The following TTLL11 variants were observed in gnomAD, a reference collection of about 807,000 sequenced individuals.
TTLL11 encodes the protein tubulin tyrosine ligase like 11.
Under a neutral mutation model 51.7 loss-of-function variants are expected in TTLL11, and 42 were observed. That is an observed-to-expected ratio of 0.81 (90% CI 0.64 to 1.05). The LOEUF is 1.05. Ranked by LOEUF, TTLL11 falls within the 50% of genes least tolerant of loss-of-function variation. TTLL11 has a pLI of 0.00. For missense variants in TTLL11, 799 were observed against 940.4 expected, an observed-to-expected ratio of 0.85 and a Z score of 1.97; for synonymous variants, 381 against 383.5, an observed-to-expected ratio of 0.99 and a Z score of 0.08.
chr9:121,908,888 A>T (rs533998256), intron 6 of TTLL11, among the ~76,000 whole-genome samples: 1 of 152,346 alleles, frequency 6.6e-6, no homozygotes, highest in South Asian at 2.1e-4. Flanking sequence ...TACATCTGTA[A>T]ATACCCTATC....
rs10123402 is a variant in TTLL11 at position 121,995,134 on chromosome 9, G to A, written c.694-5364C>T. Among the ~76,000 whole-genome samples, 438 of 152,268 alleles carry A rather than the reference G, an allele frequency of 2.9e-3. 2 individuals carry two copies. The highest frequency in any genetic ancestry group is 9.3e-3 in the African/African-American group (388 of 41,552). On this transcript the variant is annotated intron_variant, in intron 3 of 8. Coordinates refer to ENST00000321582, the MANE Select transcript of TTLL11 (RefSeq NM_001139442.2). The surrounding 1 kb of genome is among the most constrained non-coding windows in gnomAD (Gnocchi z 4.4). ...GAGCTTGGGAGAGAGATCTGGGGTC[G>A]TCAGGCCCCCAAGGATGGCCAAGGC...
chr9:121,946,531 G>A (rs761931299), intron 6 of TTLL11, among the ~76,000 whole-genome samples: 1 of 152,114 alleles, frequency 6.6e-6, no homozygotes, highest in Non-Finnish European at 1.5e-5. Flanking sequence ...TTAGGAAGAC[G>A]AAAAAGTTCT....
intron 1 of TTLL11, among the ~76,000 whole-genome samples, chr9:122,050,012 G>A (rs1331819665): frequency 6.6e-6 from 1 of 152,072 alleles, no homozygotes; most frequent in Non-Finnish European, 1.5e-5. Flanking sequence ...CACAGGGAAG[G>A]TGCTGTCATG....
intron 1 of TTLL11, among the ~76,000 whole-genome samples, chr9:122,076,295 C>G (rs1845856779): frequency 6.6e-6 from 1 of 152,204 alleles, no homozygotes; most frequent in Non-Finnish European, 1.5e-5. Context: ...ATCTTGCTCC[C>G]TGTACATGTT....
intron 6 of TTLL11, among the ~76,000 whole-genome samples, chr9:121,929,727 A>C (rs547720953): frequency 2.6e-5 from 4 of 152,368 alleles, no homozygotes; most frequent in African/African-American, 7.2e-5. Context: ...AAACAAGAAG[A>C]AAGCACACTT....
chr9:122,040,478 A>C, intron 1 of TTLL11: 1 of 944,474 alleles, frequency 1.1e-6, no homozygotes, highest in Non-Finnish European at 1.3e-6. Flanking sequence ...AACTCAGATG[A>C]CCTTGTTAAA....
Position 121,890,405 on chromosome 9 carries a change from T to A in TTLL11, c.1482-19657A>T, listed in dbSNP as rs1415812200. 6.6e-6 allele frequency among the ~76,000 whole-genome samples: 1 copy of A among 152,196 alleles called. No homozygotes were observed. Among genetic ancestry groups the A allele is most frequent in the South Asian group, 2.1e-4 (1 of 4,828 alleles). ...CCTGGCTCGCAACCTCCGCTTCCAA[T>A]GTGTCCTTCATGTCATAGCCAAAAT... On this transcript the variant is annotated intron_variant, in intron 6 of 8. Coordinates refer to ENST00000321582, the MANE Select transcript of TTLL11 (RefSeq NM_001139442.2). This position sits in a 1 kb window ranked among gnomAD's most constrained non-coding sequence, Gnocchi z 4.3.
rs1376000640 is a variant in TTLL11 at position 121,890,885 on chromosome 9, T to C, written c.1482-20137A>G. ...TCAAGCCCTTGACTTTGGGTCCCTC[T>C]CTGGCCCCATCTCAGACCACAGTCC... On this transcript the variant is annotated intron_variant, in intron 6 of 8. Transcript: ENST00000321582. The surrounding 1 kb of genome is among the most constrained non-coding windows in gnomAD (Gnocchi z 4.3). 1.3e-5 allele frequency among the ~76,000 whole-genome samples: 2 copies of C among 152,196 alleles called. No individual in the cohort carries two copies. Among genetic ancestry groups the C allele is most frequent in the Non-Finnish European group, 2.9e-5 (2 of 68,038 alleles).
At chr9:122,022,323 A>T (rs1006514971) in intron 3 of TTLL11, among the ~76,000 whole-genome samples, 1 of 152,130 alleles carries the variant, frequency 6.6e-6, no homozygotes, top group Non-Finnish European at 1.5e-5. Context: ...AGAAAATTAC[A>T]TCAAGACACA....
At chr9:122,039,437 G>T in intron 1 of TTLL11, 69 bp from the exon 2 acceptor site, 2 of 1,277,288 alleles carry the variant, frequency 1.6e-6, no homozygotes, top group Non-Finnish European at 2.3e-6. Flanking sequence ...TATCCATTAT[G>T]TACAAATTCC....
At chr9:121,911,987 C>A (rs1284666204) in intron 6 of TTLL11, among the ~76,000 whole-genome samples, 3 of 152,126 alleles carry the variant, frequency 2.0e-5, no homozygotes, top group Non-Finnish European at 4.4e-5. Context: ...TACAGGTGAT[C>A]ACCCCACTGT....
chr9:122,027,383 C>T (rs998653242), intron 3 of TTLL11, among the ~76,000 whole-genome samples: 7 of 152,070 alleles, frequency 4.6e-5, no homozygotes, highest in Non-Finnish European at 7.3e-5. Flanking sequence ...AAGACAAAGA[C>T]CAGGGAACCA....
intron 1 of TTLL11, among the ~76,000 whole-genome samples, chr9:122,067,109 C>G (rs1274555203): frequency 6.6e-6 from 1 of 152,134 alleles, no homozygotes; most frequent in Non-Finnish European, 1.5e-5. Context: ...ATAATGACAT[C>G]AAGACTTGAG....
chr9:121,843,549 G>A (rs1837424113), intron 8 of TTLL11, among the ~76,000 whole-genome samples: 1 of 152,078 alleles, frequency 6.6e-6, no homozygotes, highest in African/African-American at 2.4e-5. Flanking sequence ...AAAAAGATTA[G>A]AGAAAATCTT....
At chr9:121,940,602 T>C (rs1425998416) in intron 6 of TTLL11, among the ~76,000 whole-genome samples, 1 of 152,176 alleles carries the variant, frequency 6.6e-6, no homozygotes, top group East Asian at 1.9e-4. Flanking sequence ...CCTCCCAAAG[T>C]GCTGGGATTA....
chr9:121,984,227 C>T (rs570816626), intron 4 of TTLL11, among the ~76,000 whole-genome samples: 1 of 151,836 alleles, frequency 6.6e-6, no homozygotes, highest in South Asian at 2.1e-4. Flanking sequence ...CTCCTTGGAA[C>T]ACTTGTGTTC....
At position 122,033,340 on chromosome 9, in the gene TTLL11, T is replaced by A. The variant is rs371249382; in HGVS notation, c.560-1484A>T. Reference sequence around the variant, plus strand: ...GTTGGCCAGGCTGGTCTCAAACTCCTGACCTCAGGTGATCCACCCCCCTCG... The same window carrying A: ...GTTGGCCAGGCTGGTCTCAAACTCCAGACCTCAGGTGATCCACCCCCCTCG... On this transcript the variant is annotated intron_variant, in intron 2 of 8. Coordinates refer to ENST00000321582, the MANE Select transcript of TTLL11 (RefSeq NM_001139442.2). Among the ~76,000 whole-genome samples, 9 of 152,288 alleles carry A rather than the reference T, an allele frequency of 5.9e-5. No homozygotes were observed. The South Asian group carries it at 1.7e-3, about 28-fold the overall frequency.
chr9:121,825,893 C>T (rs961341158), intron 8 of TTLL11, among the ~76,000 whole-genome samples: 6 of 149,568 alleles, frequency 4.0e-5, no homozygotes, highest in African/African-American at 1.5e-4. Flanking sequence ...CATTCTAAAA[C>T]GAGAAGTGGG....
chr9:122,066,083 A>G (rs1564382589), intron 1 of TTLL11, among the ~76,000 whole-genome samples: 1 of 152,014 alleles, frequency 6.6e-6, no homozygotes, highest in African/African-American at 2.4e-5. Context: ...TTCTTAGGTA[A>G]TAGATTTCCT....
Sources: gnomAD v4.1 joint callset for allele counts (sites outside exome capture counted in the v4.1 genomes callset) on GRCh38, gnomAD v4.1.1 for gene constraint, Gnocchi (gnomAD v3.1) non-coding constraint, MANE v1.5 for transcripts, NCBI Gene and HGNC (gene_info 2026-07-23, HGNC 2026-07-21) for gene names.